The following CAMKK2 variants were observed in gnomAD, a reference collection of about 807,000 sequenced individuals.
The protein encoded by CAMKK2 is calcium/calmodulin dependent protein kinase kinase 2.
In CAMKK2, 30 loss-of-function variants were observed where a neutral mutation model predicts 67.2. That is an observed-to-expected ratio of 0.45 (90% CI 0.33 to 0.61). The LOEUF (loss-of-function observed/expected upper bound fraction) is 0.61. CAMKK2 is among the 20% of genes least tolerant of loss of function. CAMKK2 has a pLI of 0.02. For synonymous variants in CAMKK2, 322 were observed against 326.2 expected (o/e 0.99, Z 0.14); for missense variants, 643 against 802.0 (o/e 0.80, Z 2.39).
rs1268153628 is a variant in CAMKK2, at chr12:121,245,738, C to A, written c.1453-498G>T. On this transcript the variant is annotated intron_variant, in intron 14 of 16. Transcript: ENST00000404169. This position sits in a 1 kb window ranked among gnomAD's most constrained non-coding sequence, Gnocchi z 5.8. ...GCCCCTCACCCCACCCCAACCAGGG[C>A]ACGGTGCCCCTTCAAGCTGTTTTGG... Among the ~76,000 whole-genome samples, 3 of 152,244 alleles carry A rather than the reference C, an allele frequency of 2.0e-5. No individual in the cohort carries two copies. The highest frequency in any genetic ancestry group is 7.2e-5 in the African/African-American group (3 of 41,476).
intron 13 of CAMKK2, 107 bp from the exon 14 acceptor site, chr12:121,248,841 G>A: frequency 7.3e-7 from 1 of 1,363,080 alleles, no homozygotes; most frequent in Non-Finnish European, 1.0e-6. Context: ...GCAAGGGCCT[G>A]TGGTCAGGCA....
chr12:121,255,845 GA>G (rs767076473), intron 7 of CAMKK2, 41 bp from the exon 8 acceptor site: 9 of 1,602,618 alleles, frequency 5.6e-6, no homozygotes, highest in Middle Eastern at 3.3e-4. Flanking sequence ...ATGGGAAACT[GA>G]ACATCCATCT....
At position 121,238,017 on chromosome 12, in the gene CAMKK2, G is replaced by C. The variant is rs780875586; in HGVS notation, c.*2682C>G. 2.6e-5 allele frequency: 4 copies of C among 152,600 alleles called. No individual in the cohort carries two copies. The highest frequency in any genetic ancestry group is 1.3e-4 in the Admixed American group (2 of 15,284). 9.5% of individuals were successfully genotyped at this position (152,600 alleles called of 1,614,324 possible). On this transcript the variant is annotated 3_prime_UTR_variant, in exon 17 of 17. Coordinates refer to ENST00000404169, the MANE Select transcript of CAMKK2 (RefSeq NM_001270485.2). ...AGTGGAGGTCATGGTTCTTCCACTC[G>C]GCAACGTGAAGCTCCCCGCTGGAAG...
intron 11 of CAMKK2, among the ~76,000 whole-genome samples, chr12:121,251,996 G>T (rs1309918302): frequency 6.6e-6 from 1 of 152,100 alleles, no homozygotes; most frequent in African/African-American, 2.4e-5. Context: ...ATACCCTGAC[G>T]GAAAGAACAT....
At chr12:121,246,991 C>G (rs1399313366) in intron 14 of CAMKK2, among the ~76,000 whole-genome samples, 1 of 152,162 alleles carries the variant, frequency 6.6e-6, no homozygotes, top group Non-Finnish European at 1.5e-5. Flanking sequence ...TATCTACCCG[C>G]CCATCCCTGC....
chr12:121,297,304 G>A (rs986624543), upstream of CAMKK2: 10 of 258,154 alleles, frequency 3.9e-5, no homozygotes, highest in Non-Finnish European at 7.9e-5. Context: ...CCGGGCGGTG[G>A]ATGCGGCCTG....
At chr12:121,258,625 G>A (rs139463893) in intron 7 of CAMKK2, among the ~76,000 whole-genome samples, 31 of 152,138 alleles carry the variant, frequency 2.0e-4, no homozygotes, top group African/African-American at 5.5e-4. Flanking sequence ...AAATATAACC[G>A]TGTCAGGATT....
chr12:121,272,099 C>T (rs2136418004), intron 2 of CAMKK2, among the ~76,000 whole-genome samples: 1 of 152,294 alleles, frequency 6.6e-6, no homozygotes, highest in South Asian at 2.1e-4. Context: ...CCTCAGTCTC[C>T]CAAGTAGCTG....
At chr12:121,283,939 G>A (rs2136557328) in intron 1 of CAMKK2, among the ~76,000 whole-genome samples, 1 of 152,310 alleles carries the variant, frequency 6.6e-6, no homozygotes, top group East Asian at 1.9e-4. Flanking sequence ...GATAGCACTG[G>A]GCCTGTGTTC....
intron 1 of CAMKK2, among the ~76,000 whole-genome samples, chr12:121,274,803 T>C (rs1030928298): frequency 1.7e-5 from 2 of 120,802 alleles, no homozygotes; most frequent in East Asian, 2.1e-4. Context: ...TTCTTTTTTT[T>C]TCTTTTTTTT....
chr12:121,267,429 A>G (rs1008712816), intron 5 of CAMKK2, among the ~76,000 whole-genome samples: 1 of 151,234 alleles, frequency 6.6e-6, no homozygotes, highest in Admixed American at 6.6e-5. Context: ...CCATTTTAAA[A>G]TGTGTATTTT....
chr12:121,254,049 C>A lies in CAMKK2; in HGVS notation c.908-577G>T, dbSNP rs145054382. 7.0e-3 allele frequency among the ~76,000 whole-genome samples: 1,069 copies of A among 152,244 alleles called. 9 individuals carry two copies. The highest frequency in any genetic ancestry group is 0.023 in the African/African-American group (974 of 41,546). On this transcript the variant is annotated intron_variant, in intron 9 of 16. Transcript: ENST00000404169. ...GTGATGATGATGATGAAGACGATTT[C>A]AGTGAAAGCAGCAGCAGAGCACCAA...
chr12:121,288,563 C>T (rs1045599254), intron 1 of CAMKK2, among the ~76,000 whole-genome samples: 9 of 152,180 alleles, frequency 5.9e-5, no homozygotes, highest in African/African-American at 2.2e-4. Context: ...AGTGTGCTCT[C>T]CCTTCTGCAC....
intron 11 of CAMKK2, among the ~76,000 whole-genome samples, chr12:121,251,550 G>A (rs536020167): frequency 1.3e-5 from 2 of 152,260 alleles, no homozygotes; most frequent in South Asian, 4.1e-4. Flanking sequence ...GCCAGGCGTG[G>A]TGGCTCACAC....
intron 1 of CAMKK2, among the ~76,000 whole-genome samples, chr12:121,287,746 G>A (rs577263986): frequency 3.9e-5 from 6 of 152,330 alleles, no homozygotes; most frequent in East Asian, 3.9e-4. Context: ...GAAGCAGGAA[G>A]ATCGCTTGAG....
At chr12:121,297,131 C>CGCGGCGCCCTCGGGCGG (rs1211957580), upstream of CAMKK2, 4 of 154,492 alleles carry the variant, frequency 2.6e-5, no homozygotes, top group African/African-American at 9.7e-5. Context: ...AGGTTCTTCC[C>CGCGGCGCCCTCGGGCGG]GCGGCGCCCT....
chr12:121,264,742 C>T (rs1192352833), intron 5 of CAMKK2, among the ~76,000 whole-genome samples: 8 of 150,602 alleles, frequency 5.3e-5, no homozygotes, highest in Admixed American at 5.3e-4. Flanking sequence ...CCACTGCACT[C>T]GAGCCTGGGT....
chr12:121,269,505 GGGA>G lies in CAMKK2; in HGVS notation c.573+20_573+22del. On this transcript the variant is annotated intron_variant, in intron 4 of 16. Transcript: ENST00000404169. ...TCTTCTGTGGATAAGGATGGGGGCA[GGGA>G]GGAGAATGCGGATACTCACATAGTA... The G allele has an allele frequency of 6.3e-7, 1 of 1,578,060 alleles. No homozygotes were observed. Among genetic ancestry groups the G allele is most frequent in the South Asian group, 1.1e-5 (1 of 87,816 alleles).
intron 16 of CAMKK2, among the ~76,000 whole-genome samples, chr12:121,242,016 T>G (rs1888472442): frequency 6.6e-6 from 1 of 152,192 alleles, no homozygotes; most frequent in African/African-American, 2.4e-5. Context: ...CTCCATCTGC[T>G]GGTGTCTTGC....
Sources: allele counts gnomAD v4.1 joint callset (sites outside exome capture counted in the v4.1 genomes callset), GRCh38; gene constraint gnomAD v4.1.1; non-coding constraint Gnocchi (gnomAD v3.1); transcripts MANE v1.5; gene names NCBI Gene and HGNC (gene_info 2026-07-23, HGNC 2026-07-21).